The following ARB2A variants were observed in gnomAD, a reference collection of about 807,000 sequenced individuals.
The protein encoded by ARB2A is cotranscriptional regulator ARB2A.
the ARB2A span, among the ~76,000 whole-genome samples, chr5:93,841,367 T>C: frequency 6.6e-6 from 1 of 152,210 alleles, no homozygotes; most frequent in Admixed American, 6.5e-5. Context: ...ACTATTTACA[T>C]AGCATTTACA....
chr5:94,061,932 T>A, the ARB2A span, among the ~76,000 whole-genome samples: 1 of 152,306 alleles, frequency 6.6e-6, no homozygotes. Context: ...TATAGACAAG[T>A]ATATTCTAAA....
At chr5:93,652,967 G>A in the ARB2A span, among the ~76,000 whole-genome samples, 1 of 152,138 alleles carries the variant, frequency 6.6e-6, no homozygotes, top group African/African-American at 2.4e-5. Flanking sequence ...CTCAGTGCTA[G>A]TTTCCTTAAA....
chr5:93,955,361 A>C, the ARB2A span, among the ~76,000 whole-genome samples: 5 of 152,332 alleles, frequency 3.3e-5, no homozygotes, highest in South Asian at 8.3e-4. Context: ...CATATTAATA[A>C]GCTCAGTCCA....
At chr5:93,642,907 TG>T in the ARB2A span, among the ~76,000 whole-genome samples, 1 of 152,180 alleles carries the variant, frequency 6.6e-6, no homozygotes, top group Non-Finnish European at 1.5e-5. Flanking sequence ...AGAGAATAGT[TG>T]TTTTTTTATG....
chr5:93,685,222 T>C, the ARB2A span, among the ~76,000 whole-genome samples: 1 of 152,216 alleles, frequency 6.6e-6, no homozygotes, highest in Admixed American at 6.5e-5. Context: ...AAAGATGCTA[T>C]CAGATTATAA....
At chr5:93,982,929 C>T in the ARB2A span, among the ~76,000 whole-genome samples, 1 of 152,142 alleles carries the variant, frequency 6.6e-6, no homozygotes, top group Middle Eastern at 3.4e-3. Flanking sequence ...GTGGCATGCA[C>T]CTGTAGCCTC....
chr5:93,780,037 T>C, the ARB2A span, among the ~76,000 whole-genome samples: 1 of 152,222 alleles, frequency 6.6e-6, no homozygotes, highest in South Asian at 2.1e-4. Context: ...TAGCTATTCC[T>C]GTGCAAGGTG....
At chr5:93,781,876 C>A in the ARB2A span, 3 of 985,332 alleles carry the variant, frequency 3.0e-6, no homozygotes, top group Non-Finnish European at 3.6e-6. Flanking sequence ...AACTTTCCAA[C>A]ACCCATGCTT....
chr5:93,683,771 G>A, the ARB2A span: 4 of 1,505,002 alleles, frequency 2.7e-6, no homozygotes, highest in African/African-American at 4.1e-5. Context: ...ATAAAACAAC[G>A]CTGCTGCAGA....
the ARB2A span, among the ~76,000 whole-genome samples, chr5:93,628,126 C>A: frequency 7.3e-6 from 1 of 136,798 alleles, no homozygotes; most frequent in African/African-American, 2.7e-5. Flanking sequence ...TCTTGGCTCA[C>A]TGCAACCTCC....
At chr5:93,805,508 T>C in the ARB2A span, 1 of 985,130 alleles carries the variant, frequency 1.0e-6, no homozygotes, top group Non-Finnish European at 1.2e-6. Flanking sequence ...TCTTCCAGTG[T>C]AAGGTCCTGA....
At chr5:94,036,966 C>T in the ARB2A span, among the ~76,000 whole-genome samples, 4 of 152,246 alleles carry the variant, frequency 2.6e-5, no homozygotes, top group Admixed American at 6.5e-5. Flanking sequence ...CTGGTGTACA[C>T]AGTGATGAAG....
chr5:93,638,052 T>C, the ARB2A span, among the ~76,000 whole-genome samples: 1 of 152,254 alleles, frequency 6.6e-6, no homozygotes, highest in South Asian at 2.1e-4. Context: ...ACATTGTTGC[T>C]GGAAGAAGAC....
At chr5:94,041,365 A>G in the ARB2A span, among the ~76,000 whole-genome samples, 88 of 152,132 alleles carry the variant, frequency 5.8e-4, no homozygotes, top group Non-Finnish European at 1.0e-3. Context: ...TTGACCTTGT[A>G]ACCACGTGGC....
the ARB2A span, among the ~76,000 whole-genome samples, chr5:93,886,037 T>G: frequency 6.6e-6 from 1 of 151,744 alleles, no homozygotes; most frequent in Non-Finnish European, 1.5e-5. Flanking sequence ...AAAACGCACT[T>G]ATCAAGAAGA....
chr5:93,934,105 C>A, the ARB2A span, among the ~76,000 whole-genome samples: 3 of 152,056 alleles, frequency 2.0e-5, no homozygotes, highest in Non-Finnish European at 4.4e-5. Context: ...AGTAACCTAA[C>A]AAAGAATATG....
the ARB2A span, among the ~76,000 whole-genome samples, chr5:93,787,695 C>A: frequency 7.9e-5 from 12 of 152,258 alleles, no homozygotes; most frequent in Non-Finnish European, 1.8e-4. Context: ...ACATAACACT[C>A]TTACATAAAT....
chr5:93,755,592 C>T, the ARB2A span, among the ~76,000 whole-genome samples: 1 of 152,238 alleles, frequency 6.6e-6, no homozygotes, highest in African/African-American at 2.4e-5. Flanking sequence ...GGAGAGCCTC[C>T]ACTCCCAAAC....
the ARB2A span, among the ~76,000 whole-genome samples, chr5:93,717,463 A>G: frequency 1.4e-5 from 2 of 147,896 alleles, no homozygotes; most frequent in East Asian, 4.0e-4. Context: ...TTTTTTTTAA[A>G]GTAAAGGAAG....
Sources: gnomAD v4.1 joint callset for allele counts (sites outside exome capture counted in the v4.1 genomes callset) on GRCh38, gnomAD v4.1.1 for gene constraint, MANE v1.5 for transcripts, NCBI Gene and HGNC (gene_info 2026-07-23, HGNC 2026-07-21) for gene names.